The following ARHGAP24 variants were observed in gnomAD, a reference collection of about 807,000 sequenced individuals.
ARHGAP24 encodes Rho GTPase activating protein 24, also known as rho GTPase-activating protein 24.
Under a neutral mutation model 76.4 loss-of-function variants are expected in ARHGAP24, and 50 were observed. That is an observed-to-expected ratio of 0.65 (90% CI 0.52 to 0.83). ARHGAP24 has a LOEUF of 0.83. Ranked by LOEUF, ARHGAP24 falls within the 40% of genes least tolerant of loss-of-function variation. The pLI, the probability that ARHGAP24 is intolerant of heterozygous loss-of-function variation, is 0.00. For missense variants in ARHGAP24, 930 were observed against 914.2 expected (o/e 1.02, Z -0.22); for synonymous variants, 345 against 323.3 (o/e 1.07, Z -0.72).
intron 4 of ARHGAP24, chr4:85,931,163 A>G (rs1394172702): frequency 6.8e-6 from 7 of 1,033,962 alleles, no homozygotes; most frequent in Non-Finnish European, 9.6e-6. Context: ...GGACTGTACA[A>G]GAGTGATTTG....
intron 4 of ARHGAP24, among the ~76,000 whole-genome samples, chr4:85,937,367 A>G (rs1578408632): frequency 6.6e-6 from 1 of 152,338 alleles, no homozygotes; most frequent in South Asian, 2.1e-4. Flanking sequence ...GAGATGACTT[A>G]TTCAGCTTTA....
intron 2 of ARHGAP24, among the ~76,000 whole-genome samples, chr4:85,711,709 G>T (rs964598014): frequency 2.6e-5 from 4 of 152,126 alleles, no homozygotes; most frequent in African/African-American, 9.7e-5. Flanking sequence ...AATTAGCAAG[G>T]TCATTGTATT....
At position 85,629,178 on chromosome 4, in the gene ARHGAP24, G is replaced by C. The variant is rs181567724; in HGVS notation, c.180+58457G>C. On this transcript the variant is annotated intron_variant, in intron 2 of 9. Coordinates refer to ENST00000395184, the MANE Select transcript of ARHGAP24 (RefSeq NM_001025616.3). ...CAAGGCTTACAAAGAACCTCTTATA[G>C]TTATAACAGTCTATTGCTAGCTTAT... Among the ~76,000 whole-genome samples, 429 of 152,160 alleles carry C rather than the reference G, an allele frequency of 2.8e-3. 3 individuals carry two copies. Among genetic ancestry groups the C allele is most frequent in the South Asian group, 8.9e-3 (43 of 4,824 alleles).
chr4:85,855,119 C>G (rs1424452429), intron 3 of ARHGAP24, among the ~76,000 whole-genome samples: 1 of 152,148 alleles, frequency 6.6e-6, no homozygotes, highest in East Asian at 1.9e-4. Flanking sequence ...GAAAAATAGT[C>G]TTCTATGCAT....
At chr4:85,575,817 C>T (rs1448157928) in intron 2 of ARHGAP24, among the ~76,000 whole-genome samples, 5 of 152,174 alleles carry the variant, frequency 3.3e-5, no homozygotes, top group African/African-American at 4.8e-5. Flanking sequence ...AAGTCTCAAG[C>T]TTGGCCATAC....
At chr4:85,969,270 A>C (rs960751688) in intron 5 of ARHGAP24, among the ~76,000 whole-genome samples, 1 of 152,142 alleles carries the variant, frequency 6.6e-6, no homozygotes, top group Non-Finnish European at 1.5e-5. Context: ...TTACCTTAAA[A>C]ACAGTGTGTT....
intron 3 of ARHGAP24, among the ~76,000 whole-genome samples, chr4:85,841,993 A>C (rs988495240): frequency 6.6e-6 from 1 of 151,974 alleles, no homozygotes; most frequent in African/African-American, 2.4e-5. Flanking sequence ...AAATAGCAGA[A>C]ATGTGCCTCT....
chr4:85,960,994 C>T (rs1005323943), intron 5 of ARHGAP24, among the ~76,000 whole-genome samples: 1 of 152,052 alleles, frequency 6.6e-6, no homozygotes, highest in African/African-American at 2.4e-5. Flanking sequence ...CAGAATAAAA[C>T]AAAAAACTTG....
chr4:85,923,405 C>CA lies in ARHGAP24; in HGVS notation c.269-237dup, dbSNP rs1205180543. On this transcript the variant is annotated intron_variant, in intron 3 of 9. Coordinates refer to ENST00000395184, the MANE Select transcript of ARHGAP24 (RefSeq NM_001025616.3). ...GCAGGCCTGTGGGTTGTTGCTAGGA[C>CA]AAAAAACCCAGGCTTTGTTTAGAAA... Among the ~76,000 whole-genome samples the CA allele has an allele frequency of 3.3e-5, 5 of 152,246 alleles. No homozygotes were observed. The East Asian group carries it at 7.7e-4, about 23-fold the overall frequency.
intron 1 of ARHGAP24, among the ~76,000 whole-genome samples, chr4:85,568,655 G>A (rs992601764): frequency 2.6e-5 from 4 of 152,074 alleles, no homozygotes; most frequent in African/African-American, 9.7e-5. Context: ...GCAGACACAC[G>A]GGCACACACC....
At chr4:85,562,830 A>G (rs1726651491) in intron 1 of ARHGAP24, among the ~76,000 whole-genome samples, 1 of 152,240 alleles carries the variant, frequency 6.6e-6, no homozygotes, top group Non-Finnish European at 1.5e-5. Context: ...AGGCTTTGCC[A>G]CATTTAGCAA....
intron 3 of ARHGAP24, among the ~76,000 whole-genome samples, chr4:85,809,202 A>G (rs570341836): frequency 6.6e-6 from 1 of 152,322 alleles, no homozygotes; most frequent in African/African-American, 2.4e-5. Context: ...ACATTGATTG[A>G]CATATATCTA....
At chr4:85,749,864 G>A (rs1726191810) in intron 3 of ARHGAP24, among the ~76,000 whole-genome samples, 1 of 152,120 alleles carries the variant, frequency 6.6e-6, no homozygotes, top group African/African-American at 2.4e-5. Context: ...ACCGTGCCTG[G>A]CCTCCACAAA....
intron 3 of ARHGAP24, among the ~76,000 whole-genome samples, chr4:85,780,062 C>G (rs886902885): frequency 1.3e-5 from 2 of 152,164 alleles, no homozygotes; most frequent in Non-Finnish European, 2.9e-5. Flanking sequence ...CTCAGTATTA[C>G]TCATGGATAC....
At chr4:85,895,187 C>T (rs6531878) in intron 3 of ARHGAP24, among the ~76,000 whole-genome samples, 19,075 of 151,550 alleles carry the variant, frequency 0.13, 1,274 homozygotes, top group African/African-American at 0.16. Context: ...ACCACCTGTA[C>T]CCCCAAAAAA....
chr4:85,632,422 A>G (rs2110013416), intron 2 of ARHGAP24, among the ~76,000 whole-genome samples: 1 of 152,174 alleles, frequency 6.6e-6, no homozygotes, highest in South Asian at 2.1e-4. Context: ...AAAACAATAA[A>G]GAGAGATGCT....
Position 85,698,526 on chromosome 4 carries a change from A to G in ARHGAP24, c.181-23359A>G, listed in dbSNP as rs555192947. ...ATCCTTCCTGGCTTCATAGGCTCACATTTGTAAAGTTTCAACACTTAACAT... is the reference window on the plus strand; with the variant it reads ...ATCCTTCCTGGCTTCATAGGCTCACGTTTGTAAAGTTTCAACACTTAACAT... On this transcript the variant is annotated intron_variant, in intron 2 of 9. Coordinates refer to ENST00000395184, the MANE Select transcript of ARHGAP24 (RefSeq NM_001025616.3). Among the ~76,000 whole-genome samples the G allele has an allele frequency of 2.0e-5, 3 of 152,318 alleles. No individual in the cohort carries two copies. The South Asian group carries it at 6.2e-4, about 32-fold the overall frequency.
chr4:85,523,213 T>A (rs1201773929), intron 1 of ARHGAP24, among the ~76,000 whole-genome samples: 1 of 152,226 alleles, frequency 6.6e-6, no homozygotes, highest in Non-Finnish European at 1.5e-5. Flanking sequence ...TCTAGCACTT[T>A]CCCTTGTGTC....
intron 1 of ARHGAP24, among the ~76,000 whole-genome samples, chr4:85,549,898 A>G (rs1336321693): frequency 6.6e-6 from 1 of 152,132 alleles, no homozygotes; most frequent in Non-Finnish European, 1.5e-5. Flanking sequence ...TCTTAGCATA[A>G]TGGTCTCCAG....
Sources: gnomAD v4.1 joint callset for allele counts (sites outside exome capture counted in the v4.1 genomes callset) on GRCh38, gnomAD v4.1.1 for gene constraint, MANE v1.5 for transcripts, NCBI Gene and HGNC (gene_info 2026-07-23, HGNC 2026-07-21) for gene names.